Variants in ZNF573 observed in about 807,000 individuals in gnomAD.
ZNF573 encodes zinc finger protein 573.
In ZNF573, 41 loss-of-function variants were observed where a neutral mutation model predicts 57.4. The ratio of observed to expected loss-of-function variants is 0.71; its 90% CI spans 0.56 to 0.93. ZNF573 has a LOEUF of 0.93. ZNF573 is among the 40% of genes least tolerant of loss of function. The probability of loss-of-function intolerance (pLI) is 0.00; values close to 1 mark genes in which losing one functional copy is unlikely to be tolerated. For missense variants in ZNF573, 730 were observed against 794.8 expected (o/e 0.92, Z 0.98); for synonymous variants, 249 against 261.0 (o/e 0.95, Z 0.44).
intron 4 of ZNF573, among the ~76,000 whole-genome samples, chr19:37,759,684 C>T (rs1282661917): frequency 4.0e-5 from 6 of 151,694 alleles, no homozygotes; most frequent in African/African-American, 1.5e-4. Context: ...GCCAAGATCG[C>T]GCCACTGCAC....
At chr19:37,764,277 CACAT>C (rs1443898731) in intron 4 of ZNF573, among the ~76,000 whole-genome samples, 1 of 150,558 alleles carries the variant, frequency 6.6e-6, no homozygotes, top group Non-Finnish European at 1.5e-5. Context: ...AATATGTAAA[CACAT>C]ACATATATGT....
At chr19:37,763,996 G>C (rs1361945505) in intron 4 of ZNF573, among the ~76,000 whole-genome samples, 1 of 148,750 alleles carries the variant, frequency 6.7e-6, no homozygotes, top group Non-Finnish European at 1.5e-5. Flanking sequence ...CCAGGAGGCA[G>C]AGGTTGCGAT....
chr19:37,740,316 G>C (rs2045315664), intron 4 of ZNF573, 122 bp from the exon 5 acceptor site: 2 of 947,658 alleles, frequency 2.1e-6, no homozygotes, highest in African/African-American at 1.6e-5. Context: ...TCAAAAATAT[G>C]GTTACGAAAT....
intron 1 of ZNF573, chr19:37,778,489 A>G (rs368602091): frequency 1.3e-5 from 2 of 151,758 alleles, no homozygotes; most frequent in South Asian, 2.1e-4. Context: ...GGCGTGAGCC[A>G]CCACACCCGG....
chr19:37,764,734 G>T (rs1418889849), intron 4 of ZNF573, among the ~76,000 whole-genome samples: 1 of 151,248 alleles, frequency 6.6e-6, no homozygotes, highest in African/African-American at 2.4e-5. Context: ...CTCCCGAGTA[G>T]CTGGGACTAC....
intron 4 of ZNF573, among the ~76,000 whole-genome samples, chr19:37,753,098 A>T (rs550743733): frequency 1.3e-5 from 2 of 152,266 alleles, no homozygotes; most frequent in East Asian, 3.9e-4. Context: ...CTACAAAAAA[A>T]TTTTTAAAAA....
rs1178486856 is a variant in ZNF573 at position 37,771,595 on chromosome 19, C to T, written c.171G>A (p.Met57Ile). 4 of 1,608,326 alleles carry T rather than the reference C, an allele frequency of 2.5e-6. No individual in the cohort carries two copies. Among genetic ancestry groups the T allele is most frequent in the Non-Finnish European group, 3.4e-6 (4 of 1,177,650 alleles). ...PNQRDLYRDV[M>I]LENYRNLVSL... ...ATACCAGGTTTCTATAGTTCTCCAA[C>T]ATCACATCCCTGTATAAGTCCCTCT... The change falls in exon 3 of 5, where the codon ATG becomes ATA. Residue 57 changes from methionine (M) to isoleucine (I), a missense_variant. Physicochemically the swap from Met to Ile is conservative, Grantham distance 10. Coordinates refer to ENST00000536220, the MANE Select transcript of ZNF573 (RefSeq NM_001172690.2).
chr19:37,776,066 G>A (rs2145339263), intron 1 of ZNF573, among the ~76,000 whole-genome samples: 1 of 152,032 alleles, frequency 6.6e-6, no homozygotes, highest in Non-Finnish European at 1.5e-5. Context: ...TGCCAAAAGC[G>A]ATCTATAAAT....
chr19:37,777,243 G>A (rs1294871704), intron 1 of ZNF573, among the ~76,000 whole-genome samples: 2 of 152,022 alleles, frequency 1.3e-5, no homozygotes, highest in Non-Finnish European at 2.9e-5. Flanking sequence ...CGAACTCCTG[G>A]CCTTAAGTGA....
Position 37,740,201 on chromosome 19 carries a change from C to A in ZNF573, c.296-7G>T. 6.5e-7 allele frequency: 1 copy of A among 1,534,138 alleles called. No homozygotes were observed. Among genetic ancestry groups the A allele is most frequent in the Non-Finnish European group, 8.7e-7 (1 of 1,144,608 alleles). Reference sequence around the variant, plus strand: ...TCACACTGTAAATCCAAATCTGAAACAAAAGAGGACAACAAAAAAAATTTG... The same window carrying A: ...TCACACTGTAAATCCAAATCTGAAAAAAAAGAGGACAACAAAAAAAATTTG... On this transcript the variant is annotated splice_region_variant and splice_polypyrimidine_tract_variant and intron_variant, in intron 4 of 4. Transcript: ENST00000536220.
rs147857671 is a variant in ZNF573, at chr19:37,739,333, A to G, written c.1157T>C (p.Phe386Ser). ...HQNIHTGEKL[F>S]ECKQCGKTYT... ...GGTCTTCCCACATTGCTTGCATTCA[A>G]AAAGTTTCTCACCAGTATGAATATT... Residue 386 changes from phenylalanine (F) to serine (S), a missense_variant, in exon 5 of 5, where the codon TTT becomes TCT. Coordinates refer to ENST00000536220, the MANE Select transcript of ZNF573 (RefSeq NM_001172690.2). The G allele has an allele frequency of 5.8e-5, 94 of 1,613,234 alleles. No individual in the cohort carries two copies. The African/African-American group carries it at 9.9e-4, about 17-fold the overall frequency.
chr19:37,740,081 T>C lies in ZNF573; in HGVS notation c.409A>G (p.Lys137Glu). 2.5e-6 allele frequency: 4 copies of C among 1,614,112 alleles called. No individual in the cohort carries two copies. The highest frequency in any genetic ancestry group is 3.4e-6 in the Non-Finnish European group (4 of 1,179,972). ...CTACTAAATTTCTTCTGACATTTCT[T>C]ACATTCATAGAGTTTCTCTCTCTTA... The part of the protein sequence containing the change: ...IYKREKLYEC[K>E]KCQKKFSSGY... The change falls in exon 5 of 5, where the codon AAG (lysine) becomes GAG (glutamate). Residue 137 changes from lysine (K) to glutamate (E), a missense_variant. Lys to Glu is a moderately conservative substitution (Grantham distance 56). Coordinates refer to ENST00000536220, the MANE Select transcript of ZNF573 (RefSeq NM_001172690.2).
At chr19:37,779,466 T>A (rs1369651452) in intron 1 of ZNF573, 78 bp downstream of exon 1, 1 of 152,324 alleles carries the variant, frequency 6.6e-6, no homozygotes, top group Non-Finnish European at 1.5e-5. Context: ...TAGGTTGGGC[T>A]CCAACGTAAC....
At chr19:37,764,312 T>G (rs1010854243) in intron 4 of ZNF573, among the ~76,000 whole-genome samples, 2 of 135,704 alleles carry the variant, frequency 1.5e-5, no homozygotes, top group Admixed American at 1.5e-4. Flanking sequence ...TTTTTTTTTG[T>G]TTTTTTTTTT....
At chr19:37,759,646 T>C (rs962081932) in intron 4 of ZNF573, among the ~76,000 whole-genome samples, 1 of 152,022 alleles carries the variant, frequency 6.6e-6, no homozygotes, top group Admixed American at 6.6e-5. Flanking sequence ...GAAAATGGCG[T>C]GAACCCGGGA....
At position 37,739,367 on chromosome 19, in the gene ZNF573, G is replaced by T; in HGVS notation, c.1123C>A (p.Arg375=). 1 of 1,613,728 alleles carries T rather than the reference G, an allele frequency of 6.2e-7. No homozygotes were observed. Among genetic ancestry groups the T allele is most frequent in the South Asian group, 1.1e-5 (1 of 91,046 alleles). The part of the protein sequence containing the change: ...KTFTLYRNLT[R]HQNIHTGEKL... ...TCACCAGTATGAATATTCTGATGCC[G>T]AGTAAGATTTCTATACAAAGTAAAG... Residue 375 remains arginine, a synonymous_variant, in exon 5 of 5, where the codon CGG becomes AGG. Transcript: ENST00000536220.
In ZNF573 at chr19:37,769,709, G is replaced by A. The variant is rs1455938901; in HGVS notation, c.295+296C>T. Among the ~76,000 whole-genome samples, 3 of 123,722 alleles carry A rather than the reference G, an allele frequency of 2.4e-5. No homozygotes were observed. In the East Asian group the frequency reaches 7.5e-4, roughly 31 times the overall value. 81.2% of individuals were successfully genotyped at this position (123,722 alleles called of 152,430 possible). On this transcript the variant is annotated intron_variant, in intron 4 of 4. Coordinates refer to ENST00000536220, the MANE Select transcript of ZNF573 (RefSeq NM_001172690.2). ...CCACTGCACTCTGGCCCGGGCGACA[G>A]AGCAAGACTCTGTCTCGGAAAAAAA...
chr19:37,756,316 T>A (rs1215736132), intron 4 of ZNF573, among the ~76,000 whole-genome samples: 1 of 152,202 alleles, frequency 6.6e-6, no homozygotes, highest in East Asian at 1.9e-4. Context: ...CCTCTTCATG[T>A]TATGCTTTAT....
In ZNF573 at chr19:37,739,234, C is replaced by G. The variant is rs1234443020; in HGVS notation, c.1256G>C (p.Cys419Ser). The G allele has an allele frequency of 5.0e-6, 8 of 1,613,854 alleles. No homozygotes were observed. The highest frequency in any genetic ancestry group is 5.9e-6 in the Non-Finnish European group (7 of 1,179,952). The change falls in exon 5 of 5, where the codon TGC becomes TCC. Residue 419 changes from cysteine to serine, a missense_variant. Coordinates refer to ENST00000536220, the MANE Select transcript of ZNF573 (RefSeq NM_001172690.2). The stretch of plus-strand genomic sequence containing the variant: ...GCCATACAAGCTAAAGGCCTTTCCG[C>G]ATTCCTTGCATTCATAGGGTTTCTC... Reference protein sequence around the residue: ...TGEKPYECKECGKAFSLYGYL... With the variant: ...TGEKPYECKESGKAFSLYGYL...
Sources: gnomAD v4.1 joint callset for allele counts (sites outside exome capture counted in the v4.1 genomes callset) on GRCh38, gnomAD v4.1.1 for gene constraint, MANE v1.5 for transcripts, NCBI Gene and HGNC (gene_info 2026-07-23, HGNC 2026-07-21) for gene names.